Variants in HERC2 observed in about 807,000 individuals in gnomAD.
The protein encoded by HERC2 is HECT and RLD domain containing E3 ubiquitin protein ligase 2.
HERC2 carries 102 observed loss-of-function variants against 537.7 expected under a neutral mutation model. The ratio of observed to expected loss-of-function variants is 0.19; its 90% CI spans 0.16 to 0.22. The LOEUF is 0.22. Among genes scored for constraint, HERC2 ranks in the 10% least tolerant of loss-of-function variants. The pLI is 1.00. For missense variants in HERC2, 4,236 were observed against 6,198.2 expected, an observed-to-expected ratio of 0.68 and a Z score of 10.63; for synonymous variants, 2,224 against 2,466.2, an observed-to-expected ratio of 0.90 and a Z score of 2.91.
intron 78 of HERC2, among the ~76,000 whole-genome samples, chr15:28,139,787 A>G (rs1389156795): frequency 9.2e-5 from 14 of 152,036 alleles, no homozygotes; most frequent in Non-Finnish European, 7.4e-5. Flanking sequence ...TTGGCCGGGC[A>G]CGGTAGCTCA....
intron 44 of HERC2, among the ~76,000 whole-genome samples, chr15:28,207,850 T>C (rs1434627030): frequency 6.6e-6 from 1 of 151,974 alleles, no homozygotes; most frequent in Non-Finnish European, 1.5e-5. Context: ...TACTCAGCTC[T>C]GCCATTGCAG....
At chr15:28,219,299 A>G (rs562138233) in intron 37 of HERC2, among the ~76,000 whole-genome samples, 1 of 152,280 alleles carries the variant, frequency 6.6e-6, no homozygotes, top group African/African-American at 2.4e-5. Flanking sequence ...ATGTGTGGCA[A>G]ATGAGGCCAC....
intron 24 of HERC2, among the ~76,000 whole-genome samples, 162 bp downstream of exon 24, chr15:28,238,440 A>C (rs1387977207): frequency 6.6e-6 from 1 of 152,216 alleles, no homozygotes; most frequent in Non-Finnish European, 1.5e-5. Flanking sequence ...GAAATTCTTC[A>C]AATGTGCTGA....
chr15:28,208,657 G>A (rs144040698), intron 44 of HERC2, among the ~76,000 whole-genome samples: 22 of 152,220 alleles, frequency 1.4e-4, no homozygotes, highest in Middle Eastern at 6.8e-3. Flanking sequence ...CAAACCCTGA[G>A]CTCCAAGCAA....
chr15:28,159,221 T>C (rs1378680635), intron 69 of HERC2, among the ~76,000 whole-genome samples: 1 of 152,132 alleles, frequency 6.6e-6, no homozygotes. Flanking sequence ...TGTCTTGGAG[T>C]TGCTCTTCTC....
Position 28,213,700 on chromosome 15 carries a change from A to C in HERC2, c.6786+42T>G, listed in dbSNP as rs765447077. On this transcript the variant is annotated intron_variant, in intron 42 of 92. Coordinates refer to ENST00000261609, the MANE Select transcript of HERC2 (RefSeq NM_004667.6). Reference sequence around the variant, plus strand: ...TGGTGCTCGGTTCTAGTGTAAAGTCAATTTCCCTTATCATGCAGTAACTAA... The same window carrying C: ...TGGTGCTCGGTTCTAGTGTAAAGTCCATTTCCCTTATCATGCAGTAACTAA... 5 of 1,612,606 alleles carry C rather than the reference A, an allele frequency of 3.1e-6. No homozygotes were observed. The African/African-American group carries it at 6.7e-5, about 22-fold the overall frequency.
intron 14 of HERC2, among the ~76,000 whole-genome samples, chr15:28,264,748 A>G (rs1297439093): frequency 6.6e-6 from 1 of 152,196 alleles, no homozygotes; most frequent in Non-Finnish European, 1.5e-5. Flanking sequence ...TAACCGGGAA[A>G]TATTTTAAGG....
At position 28,224,166 on chromosome 15, in the gene HERC2, C is replaced by CACACACAG. The variant is rs748053596; in HGVS notation, c.5465-1952_5465-1951insCTGTGTGT. 1.2e-3 allele frequency among the ~76,000 whole-genome samples: 183 copies of CACACACAG among 147,740 alleles called. 1 individual carries two copies. Among genetic ancestry groups the CACACACAG allele is most frequent in the East Asian group, 0.01 (51 of 4,984 alleles). On this transcript the variant is annotated intron_variant, in intron 35 of 92. Transcript: ENST00000261609. Reference sequence around the variant, plus strand: ...ACACACACCCACACACACACACACACAGAGAGAGAGAGAAACAGACAGACA... The same window carrying CACACACAG: ...ACACACACCCACACACACACACACACACACACAGAGAGAGAGAGAGAAACAGACAGACA...
intron 4 of HERC2, among the ~76,000 whole-genome samples, chr15:28,283,859 T>C (rs1596386951): frequency 6.6e-6 from 1 of 152,226 alleles, no homozygotes; most frequent in Non-Finnish European, 1.5e-5. Flanking sequence ...TAAGTGTTCA[T>C]ATATACACAG....
At chr15:28,215,863 A>G (rs1899843760) in intron 38 of HERC2, 61 bp from the exon 39 acceptor site, 1 of 1,032,878 alleles carries the variant, frequency 9.7e-7, no homozygotes, top group East Asian at 2.5e-5. Context: ...CCCTAAAGAT[A>G]TATCCTTATT....
At chr15:28,233,624 C>G in intron 28 of HERC2, 40 bp downstream of exon 28, 1 of 1,613,526 alleles carries the variant, frequency 6.2e-7, no homozygotes, top group Non-Finnish European at 8.5e-7. Flanking sequence ...GTCGAGGAAT[C>G]TGCAGTGTAC....
chr15:28,196,255 T>G lies in HERC2; in HGVS notation c.8220A>C (p.Lys2740Asn), dbSNP rs749175507. 1 of 1,445,750 alleles carries G rather than the reference T, an allele frequency of 6.9e-7. No homozygotes were observed. Among genetic ancestry groups the G allele is most frequent in the Non-Finnish European group, 9.5e-7 (1 of 1,049,600 alleles). The allele number at this position is 1,445,750 out of a possible 1,614,324, so 89.6% of individuals were successfully genotyped here. A position where few individuals can be genotyped will look rare whatever the true frequency, so the allele number is the denominator to read the frequency against. Residue 2740 changes from lysine (K) to asparagine (N), a missense_variant, in exon 52 of 93, where the codon AAA (lysine) becomes AAC (asparagine). Lys to Asn is a moderately conservative substitution (Grantham distance 94). This residue lies in a region of HERC2 where 606 missense variants were observed against 884.5 expected (regional missense o/e 0.69). Coordinates refer to ENST00000261609, the MANE Select transcript of HERC2 (RefSeq NM_004667.6). ...TGCCAAATGTATGCCTGGTATTGTG[T>G]TTTTTGGTCTTGAAACACGTTTCAC... The part of the protein sequence containing the change: ...DFCETCFKTK[K>N]HNTRHTFGRI...
chr15:28,147,603 C>T (rs1891894006), intron 70 of HERC2, among the ~76,000 whole-genome samples: 1 of 151,962 alleles, frequency 6.6e-6, no homozygotes, highest in African/African-American at 2.4e-5. Flanking sequence ...TGCTACCATA[C>T]TCCAACCTGG....
chr15:28,276,202 A>C (rs903030409), intron 5 of HERC2, among the ~76,000 whole-genome samples: 5 of 150,750 alleles, frequency 3.3e-5, no homozygotes, highest in Admixed American at 6.6e-5. Flanking sequence ...CAAAAAAAAA[A>C]AAAAAAAAAA....
At chr15:28,224,166 C>CACAG (rs748053596) in intron 35 of HERC2, among the ~76,000 whole-genome samples, 25 of 147,756 alleles carry the variant, frequency 1.7e-4, no homozygotes, top group African/African-American at 4.4e-4. Context: ...CACACACACA[C>CACAG]AGAGAGAGAG....
intron 36 of HERC2, 94 bp from the exon 37 acceptor site, chr15:28,220,738 G>T (rs1052312095): frequency 4.6e-5 from 46 of 997,212 alleles, no homozygotes; most frequent in Non-Finnish European, 6.9e-5. Context: ...GAGGGTGCAT[G>T]CCCTGCCCTG....
intron 82 of HERC2, 90 bp from the exon 83 acceptor site, chr15:28,130,392 A>T (rs1889982544): frequency 3.8e-6 from 6 of 1,597,060 alleles, no homozygotes; most frequent in Non-Finnish European, 5.1e-6. Context: ...GCTGTTCAGG[A>T]CACAACCATA....
intron 4 of HERC2, among the ~76,000 whole-genome samples, chr15:28,284,791 T>G (rs2076110046): frequency 6.6e-6 from 1 of 151,778 alleles, no homozygotes; most frequent in Non-Finnish European, 1.5e-5. Context: ...GGCAGATGCC[T>G]ATAATCCCAG....
chr15:28,175,549 C>T lies in HERC2; in HGVS notation c.9794G>A (p.Gly3265Glu). 6.2e-7 allele frequency: 1 copy of T among 1,613,850 alleles called. No individual in the cohort carries two copies. The highest frequency in any genetic ancestry group is 1.1e-5 in the South Asian group (1 of 90,994). Residue 3265 changes from glycine (G) to glutamate (E), a missense_variant, in exon 64 of 93, where the codon GGG becomes GAG. This residue lies in a region of HERC2 where 93 missense variants were observed against 265.1 expected (regional missense o/e 0.35). Transcript: ENST00000261609. ...RGKKIVHVAV[G>E]ALHCLAVTDS... The stretch of plus-strand genomic sequence containing the variant: ...CGTGACCGCCAGGCAGTGCAGGGCC[C>T]CGACAGCCACATGCACGATCTTCTT...
Sources: gnomAD v4.1 joint callset for allele counts (sites outside exome capture counted in the v4.1 genomes callset) on GRCh38, gnomAD v4.1.1 for gene constraint, gnomAD v4.1.1 regional missense constraint, MANE v1.5 for transcripts, NCBI Gene and HGNC (gene_info 2026-07-23, HGNC 2026-07-21) for gene names.